The following EIF3H variants were observed in gnomAD, a reference collection of about 807,000 sequenced individuals.
EIF3H encodes the protein eukaryotic translation initiation factor 3 subunit H, also known as eIF-3-gamma.
EIF3H carries 26 observed loss-of-function variants against 44.2 expected under a neutral mutation model. The observed-to-expected ratio is 0.59, with a 90% CI of 0.43 to 0.82. The LOEUF is 0.82. EIF3H is among the 40% of genes least tolerant of loss of function. EIF3H has a pLI of 0.00. For missense variants in EIF3H, 359 were observed against 432.8 expected, an observed-to-expected ratio of 0.83 and a Z score of 1.51; for synonymous variants, 166 against 151.9, an observed-to-expected ratio of 1.09 and a Z score of -0.68.
At chr8:116,676,968 A>C (rs1286847781) in intron 2 of EIF3H, among the ~76,000 whole-genome samples, 1 of 152,138 alleles carries the variant, frequency 6.6e-6, no homozygotes. Flanking sequence ...AAAAAAATTC[A>C]TATGAATACT....
At chr8:116,660,286 T>C (rs896194909) in intron 2 of EIF3H, among the ~76,000 whole-genome samples, 6 of 152,190 alleles carry the variant, frequency 3.9e-5, no homozygotes, top group Non-Finnish European at 8.8e-5. Flanking sequence ...CTTACTCAGG[T>C]TTTAGCAAAA....
chr8:116,724,179 G>A (rs193106295), intron 2 of EIF3H, among the ~76,000 whole-genome samples: 1 of 152,234 alleles, frequency 6.6e-6, no homozygotes, highest in Admixed American at 6.5e-5. Context: ...TCTTTAACGA[G>A]GGTGCCAAGA....
At chr8:116,728,582 G>C (rs1814895569) in intron 1 of EIF3H, among the ~76,000 whole-genome samples, 1 of 152,116 alleles carries the variant, frequency 6.6e-6, no homozygotes, top group African/African-American at 2.4e-5. Context: ...CTCCAAAGGA[G>C]AGCAAGCAGT....
In EIF3H at chr8:116,752,728, GAAAGAAGA is replaced by G. The variant is rs1166134683; in HGVS notation, c.132+2930_132+2937del. ...AGAAAGAAAGAAAGAAAGAAAGAAA[GAAAGAAGA>G]GAAAGAAAGAAAGAAAGAGGGAGGG... On this transcript the variant is annotated intron_variant, in intron 1 of 7. Transcript: ENST00000521861. Among the ~76,000 whole-genome samples the G allele has an allele frequency of 7.3e-4, 84 of 115,534 alleles. 1 individual carries two copies. The highest frequency in any genetic ancestry group is 1.6e-3 in the East Asian group (5 of 3,068). 75.8% of individuals were successfully genotyped at this position (115,534 alleles called of 152,430 possible). A position where few individuals can be genotyped will look rare whatever the true frequency, so the allele number is the denominator to read the frequency against.
At chr8:116,724,992 C>A (rs1554601847) in intron 2 of EIF3H, among the ~76,000 whole-genome samples, 2 of 152,208 alleles carry the variant, frequency 1.3e-5, no homozygotes, top group Non-Finnish European at 2.9e-5. Flanking sequence ...ATGTTCACTG[C>A]AGCATTATTC....
chr8:116,723,409 T>C (rs768023277), intron 2 of EIF3H, among the ~76,000 whole-genome samples: 1 of 149,108 alleles, frequency 6.7e-6, no homozygotes, highest in Non-Finnish European at 1.5e-5. Context: ...TCAAATGAAA[T>C]AGGGAGAGCA....
intron 2 of EIF3H, among the ~76,000 whole-genome samples, chr8:116,721,201 T>C (rs1158036338): frequency 1.3e-5 from 2 of 152,158 alleles, no homozygotes; most frequent in Non-Finnish European, 2.9e-5. Context: ...ACTCTAGCCA[T>C]GGCTAAAAGG....
At chr8:116,751,166 T>C (rs1187557141) in intron 1 of EIF3H, among the ~76,000 whole-genome samples, 2 of 150,936 alleles carry the variant, frequency 1.3e-5, no homozygotes, top group South Asian at 2.1e-4. Flanking sequence ...GAGCCGAGAT[T>C]GCGCCACTGC....
rs7005464 is a variant in EIF3H, at chr8:116,656,944, A to G, written c.557+271T>C. 2.5e-3 allele frequency among the ~76,000 whole-genome samples: 386 copies of G among 152,298 alleles called. 4 individuals carry two copies. The highest frequency in any genetic ancestry group is 9.0e-3 in the African/African-American group (373 of 41,566). On this transcript the variant is annotated intron_variant, in intron 4 of 7. Transcript: ENST00000521861. ...CTGATCACTCTTTCCACCTCCCTTT[A>G]TTCAATCATTTATTTCTTCGAATCC...
intron 2 of EIF3H, among the ~76,000 whole-genome samples, chr8:116,695,553 G>A (rs1228935608): frequency 2.6e-5 from 4 of 152,172 alleles, no homozygotes; most frequent in Non-Finnish European, 5.9e-5. Flanking sequence ...GACCATGCAA[G>A]AAAGGAATAC....
chr8:116,704,962 TC>T (rs1814441744), intron 2 of EIF3H, among the ~76,000 whole-genome samples: 1 of 152,220 alleles, frequency 6.6e-6, no homozygotes, highest in Non-Finnish European at 1.5e-5. Context: ...AGAGAGTTCC[TC>T]TGTACAAAAG....
At chr8:116,743,799 A>ACACAC (rs1563659950) in intron 1 of EIF3H, among the ~76,000 whole-genome samples, 1 of 87,064 alleles carries the variant, frequency 1.1e-5, no homozygotes, top group African/African-American at 3.8e-5. Context: ...TATATATATA[A>ACACAC]ACACACACAC....
intron 1 of EIF3H, among the ~76,000 whole-genome samples, chr8:116,752,664 TGAAGAAAGAAAGAAAGAAA>T: frequency 1.1e-5 from 1 of 92,766 alleles, no homozygotes; most frequent in South Asian, 3.5e-4. Context: ...AAGACAGAAA[TGAAGAAAGAAAGAAAGAAA>T]GAAAGAAAGA....
Position 116,679,870 on chromosome 8 carries a change from GC to G in EIF3H, c.290-20891del, listed in dbSNP as rs1218965517. 2.0e-3 allele frequency among the ~76,000 whole-genome samples: 7 copies of G among 3,472 alleles called. 1 individual carries two copies. The highest frequency in any genetic ancestry group is 3.8e-3 in the Admixed American group (3 of 788). 2.3% of individuals were successfully genotyped at this position (3,472 alleles called of 152,430 possible). A position where few individuals can be genotyped will look rare whatever the true frequency, so the allele number is the denominator to read the frequency against. ...TCCGGGAGGGAGGTGGGGGGGGTCA[GC>G]CCCCCGCCCGGTCAGCCGCCCCGTC... On this transcript the variant is annotated intron_variant, in intron 2 of 7. Transcript: ENST00000521861.
intron 2 of EIF3H, among the ~76,000 whole-genome samples, chr8:116,664,679 C>A (rs1232882511): frequency 1.3e-5 from 2 of 152,044 alleles, no homozygotes; most frequent in Non-Finnish European, 2.9e-5. Context: ...CTCGAAAACT[C>A]AAGATATGTT....
At chr8:116,674,017 C>A (rs1406218875) in intron 2 of EIF3H, among the ~76,000 whole-genome samples, 1 of 126,826 alleles carries the variant, frequency 7.9e-6, no homozygotes, top group East Asian at 2.3e-4. Flanking sequence ...TTGCAGTGAG[C>A]CGAGATCTCG....
At chr8:116,706,208 C>G (rs544680902) in intron 2 of EIF3H, among the ~76,000 whole-genome samples, 2 of 152,194 alleles carry the variant, frequency 1.3e-5, no homozygotes, top group Non-Finnish European at 2.9e-5. Flanking sequence ...TAGTCTCTTA[C>G]AGTTTACAGA....
intron 2 of EIF3H, among the ~76,000 whole-genome samples, chr8:116,705,960 TAA>T (rs535165423): frequency 7.1e-6 from 1 of 141,438 alleles, no homozygotes; most frequent in Admixed American, 7.1e-5. Flanking sequence ...AAAGTTTATT[TAA>T]AAAAAAAAAA....
At chr8:116,651,731 T>C (rs2130781065) in intron 5 of EIF3H, among the ~76,000 whole-genome samples, 1 of 152,352 alleles carries the variant, frequency 6.6e-6, no homozygotes, top group East Asian at 1.9e-4. Flanking sequence ...TTTACCCTAA[T>C]TTCTAAATAG....
Sources: allele counts gnomAD v4.1 joint callset (sites outside exome capture counted in the v4.1 genomes callset), GRCh38; gene constraint gnomAD v4.1.1; transcripts MANE v1.5; gene names NCBI Gene and HGNC (gene_info 2026-07-23, HGNC 2026-07-21).